Variants in RAD51B observed in about 807,000 individuals in gnomAD.
RAD51B encodes RAD51 paralog B.
In RAD51B, 38 loss-of-function variants were observed where a neutral mutation model predicts 42.2. That is an observed-to-expected ratio of 0.90 (90% CI 0.70 to 1.18). The LOEUF (loss-of-function observed/expected upper bound fraction) is 1.18, where lower values mean the gene tolerates loss of function less well. Ranked by LOEUF, RAD51B falls within the 50% of genes most tolerant of loss-of-function variation. The probability of loss-of-function intolerance (pLI) is 0.00; values close to 1 mark genes in which losing one functional copy is unlikely to be tolerated. For synonymous variants in RAD51B, 154 were observed against 145.2 expected (o/e 1.06, Z -0.43); for missense variants, 373 against 400.7 (o/e 0.93, Z 0.59).
At chr14:68,112,751 A>G (rs2077479196) in intron 7 of RAD51B, among the ~76,000 whole-genome samples, 1 of 152,112 alleles carries the variant, frequency 6.6e-6, no homozygotes, top group Non-Finnish European at 1.5e-5. Flanking sequence ...TTCTTTGGTC[A>G]TACAAAGCAA....
chr14:68,302,326 T>C (rs2081758583), intron 8 of RAD51B, among the ~76,000 whole-genome samples: 1 of 152,148 alleles, frequency 6.6e-6, no homozygotes, highest in South Asian at 2.1e-4. Flanking sequence ...ATGATGGCAT[T>C]AGGTTTGGGA....
chr14:68,326,027 C>CTTT (rs1156621815), intron 8 of RAD51B, among the ~76,000 whole-genome samples: 17 of 51,630 alleles, frequency 3.3e-4, no homozygotes, highest in Non-Finnish European at 4.7e-4. Context: ...TGTTGTTATT[C>CTTT]TTTTTCTTTT....
chr14:68,419,652 T>C (rs1822629814), intron 9 of RAD51B, among the ~76,000 whole-genome samples: 1 of 152,244 alleles, frequency 6.6e-6, no homozygotes, highest in Admixed American at 6.5e-5. Context: ...TTTGTGCTCA[T>C]GGACATCTCC....
intron 7 of RAD51B, among the ~76,000 whole-genome samples, chr14:68,155,399 G>A (rs2078481332): frequency 6.6e-6 from 1 of 151,886 alleles, no homozygotes; most frequent in Non-Finnish European, 1.5e-5. Flanking sequence ...TCACCATGTT[G>A]GCCAGGATGG....
chr14:68,359,518 C>G (rs181516212), intron 8 of RAD51B, among the ~76,000 whole-genome samples: 2 of 152,186 alleles, frequency 1.3e-5, no homozygotes, highest in Non-Finnish European at 1.5e-5. Context: ...GAGTGGGAAA[C>G]GCAAACAGCT....
intron 10 of RAD51B, among the ~76,000 whole-genome samples, chr14:68,587,539 A>G (rs942127186): frequency 4.6e-5 from 7 of 151,742 alleles, no homozygotes; most frequent in Non-Finnish European, 1.0e-4. Context: ...GCAAACCCCT[A>G]ATTCCTCTGC....
chr14:68,391,136 G>GTCTT (rs36073427), intron 8 of RAD51B, among the ~76,000 whole-genome samples: 28,555 of 141,460 alleles, frequency 0.2, 2,961 homozygotes, highest in African/African-American at 0.22. Flanking sequence ...TATGAGACTT[G>GTCTT]TCTTTCTTTC....
chr14:67,938,533 T>C (rs1331288263), intron 7 of RAD51B, among the ~76,000 whole-genome samples: 1 of 152,152 alleles, frequency 6.6e-6, no homozygotes, highest in East Asian at 1.9e-4. Context: ...CTTTAGAACA[T>C]AGCCCCCAAG....
intron 9 of RAD51B, among the ~76,000 whole-genome samples, chr14:68,454,396 C>A (rs1163611822): frequency 6.7e-6 from 1 of 149,816 alleles, no homozygotes; most frequent in Non-Finnish European, 1.5e-5. Context: ...TAAATAAAGG[C>A]TCACAACAGT....
chr14:68,529,008 A>G (rs752552185), intron 10 of RAD51B, among the ~76,000 whole-genome samples: 47 of 152,200 alleles, frequency 3.1e-4, no homozygotes, highest in Admixed American at 1.6e-3. Flanking sequence ...CATCAAATAC[A>G]GGTTTTCTTT....
At chr14:68,143,253 T>C (rs1429691231) in intron 7 of RAD51B, among the ~76,000 whole-genome samples, 1 of 152,206 alleles carries the variant, frequency 6.6e-6, no homozygotes, top group Non-Finnish European at 1.5e-5. Context: ...CCAAGGTCTT[T>C]TACAAATCAT....
At chr14:67,868,226 C>A (rs1256668538) in intron 5 of RAD51B, among the ~76,000 whole-genome samples, 1 of 152,014 alleles carries the variant, frequency 6.6e-6, no homozygotes, top group Non-Finnish European at 1.5e-5. Flanking sequence ...CAGTGGGTGC[C>A]CGCACCACAT....
chr14:68,162,041 T>A (rs542088173), intron 7 of RAD51B, among the ~76,000 whole-genome samples: 7 of 152,324 alleles, frequency 4.6e-5, no homozygotes, highest in African/African-American at 1.4e-4. Context: ...GCCTAAAATG[T>A]CAGTAGTGGT....
At chr14:68,103,232 GTTTAC>G (rs2077321318) in intron 7 of RAD51B, among the ~76,000 whole-genome samples, 1 of 152,088 alleles carries the variant, frequency 6.6e-6, no homozygotes, top group Admixed American at 6.5e-5. Context: ...GACTATAGCA[GTTTAC>G]TTTATTGACT....
At position 67,847,580 on chromosome 14, in the gene RAD51B, C is replaced by A. The variant is rs537945025; in HGVS notation, c.315+12384C>A. 3.8e-4 allele frequency among the ~76,000 whole-genome samples: 58 copies of A among 152,068 alleles called. No individual in the cohort carries two copies. In the South Asian group the frequency reaches 0.012, roughly 31 times the overall value. Reference sequence around the variant, plus strand: ...GCAAGTTGTGTCCTTTCTATATTTGCGTAGTTTTGAGAGATCTTCTTGATA... The same window carrying A: ...GCAAGTTGTGTCCTTTCTATATTTGAGTAGTTTTGAGAGATCTTCTTGATA... On this transcript the variant is annotated intron_variant, in intron 4 of 10. Transcript: ENST00000471583.
intron 10 of RAD51B, among the ~76,000 whole-genome samples, chr14:68,515,481 C>A (rs907543987): frequency 1.4e-5 from 2 of 142,418 alleles, no homozygotes; most frequent in African/African-American, 5.2e-5. Context: ...TAGGGTCTCC[C>A]TCTGTCATCC....
chr14:68,264,277 A>T (rs1212441246), intron 7 of RAD51B, among the ~76,000 whole-genome samples: 1 of 152,216 alleles, frequency 6.6e-6, no homozygotes, highest in African/African-American at 2.4e-5. Flanking sequence ...ATTTGGGACT[A>T]CTCTAAAGGA....
chr14:68,282,271 C>T (rs1268308328), intron 7 of RAD51B, among the ~76,000 whole-genome samples: 3 of 152,220 alleles, frequency 2.0e-5, no homozygotes, highest in Admixed American at 1.3e-4. Context: ...GCATGAGCCA[C>T]CATGCCCAGC....
At chr14:68,474,221 A>C (rs10782456) in intron 10 of RAD51B, among the ~76,000 whole-genome samples, 32,161 of 147,638 alleles carry the variant, frequency 0.22, 3,974 homozygotes, top group East Asian at 0.52. Flanking sequence ...GGCTGGTCAG[A>C]GTGTCTACAC....
Sources: gnomAD v4.1 joint callset for allele counts (sites outside exome capture counted in the v4.1 genomes callset) on GRCh38, gnomAD v4.1.1 for gene constraint, MANE v1.5 for transcripts, NCBI Gene and HGNC (gene_info 2026-07-23, HGNC 2026-07-21) for gene names.